Variants in KCNIP1 observed in about 807,000 individuals in gnomAD.
KCNIP1 encodes the protein potassium voltage-gated channel interacting protein 1.
Under a neutral mutation model 33.0 loss-of-function variants are expected in KCNIP1, and 18 were observed. The ratio of observed to expected loss-of-function variants is 0.55; its 90% confidence interval spans 0.38 to 0.81. The LOEUF is 0.81. Among genes scored for constraint, KCNIP1 ranks in the 30% least tolerant of loss-of-function variants. The pLI is 0.00. For missense variants in KCNIP1, 238 were observed against 271.6 expected (o/e 0.88, Z 0.87); for synonymous variants, 93 against 98.3 (o/e 0.95, Z 0.32).
At chr5:170,702,565 A>G (rs1763132280) in intron 1 of KCNIP1, among the ~76,000 whole-genome samples, 1 of 152,228 alleles carries the variant, frequency 6.6e-6, no homozygotes, top group Non-Finnish European at 1.5e-5. Context: ...CTGCCCCCTC[A>G]GTACCAATTG....
intron 1 of KCNIP1, among the ~76,000 whole-genome samples, chr5:170,708,753 G>A (rs188483178): frequency 1.3e-5 from 2 of 152,244 alleles, no homozygotes; most frequent in East Asian, 3.9e-4. Flanking sequence ...AAAAAAACTA[G>A]CCAGGCATGG....
Position 170,504,423 on chromosome 5 carries a change from CCTCCACG to C in KCNIP1, c.-147_-141del. On this transcript the variant is annotated 5_prime_UTR_variant, in exon 1 of 8. The change abolishes the stop of an existing upstream ORF in the 5' untranslated region. Transcript: ENST00000328939. This position sits in a 1 kb window ranked among gnomAD's most constrained non-coding sequence, Gnocchi z 6.0. ...GGAAGCCAGAAGCCTCCTAGCCTCGCCTCCACGCTTGCTGAATACCAAGCTGCAGGCG... is the reference window on the plus strand; with the variant it reads ...GGAAGCCAGAAGCCTCCTAGCCTCGCCTTGCTGAATACCAAGCTGCAGGCG... 1 of 1,481,536 alleles carries C rather than the reference CCTCCACG, an allele frequency of 6.7e-7. No individual in the cohort carries two copies. Among genetic ancestry groups the C allele is most frequent in the Non-Finnish European group, 8.9e-7 (1 of 1,123,118 alleles). 91.8% of individuals were successfully genotyped at this position (1,481,536 alleles called of 1,614,324 possible). A position where few individuals can be genotyped will look rare whatever the true frequency, so the allele number is the denominator to read the frequency against.
chr5:170,487,732 G>A (rs1018545368), intron 1 of KCNIP1, among the ~76,000 whole-genome samples: 1 of 151,910 alleles, frequency 6.6e-6, no homozygotes, highest in African/African-American at 2.4e-5. Flanking sequence ...TACCCAGGCT[G>A]GTCTCGAACT....
At chr5:170,705,962 T>C (rs1763244854) in intron 1 of KCNIP1, among the ~76,000 whole-genome samples, 1 of 152,202 alleles carries the variant, frequency 6.6e-6, no homozygotes, top group African/African-American at 2.4e-5. Context: ...GATTTACAGC[T>C]GCAAGGTGGG....
intron 1 of KCNIP1, among the ~76,000 whole-genome samples, chr5:170,473,616 G>A (rs1338320400): frequency 1.3e-5 from 2 of 152,262 alleles, no homozygotes; most frequent in East Asian, 1.9e-4. Flanking sequence ...AGGGCCCCTG[G>A]CAGCTCAGCA....
At chr5:170,537,124 G>C (rs1371559769) in intron 1 of KCNIP1, among the ~76,000 whole-genome samples, 1 of 152,168 alleles carries the variant, frequency 6.6e-6, no homozygotes, top group Admixed American at 6.5e-5. Flanking sequence ...GCTCAGAGAG[G>C]TAGCAGCTCC....
At chr5:170,638,536 G>C (rs1760391164) in intron 1 of KCNIP1, among the ~76,000 whole-genome samples, 1 of 152,204 alleles carries the variant, frequency 6.6e-6, no homozygotes, top group Non-Finnish European at 1.5e-5. Context: ...TTACCATTCT[G>C]AGTGGCAGTC....
chr5:170,357,725 A>G (rs6876821), intron 1 of KCNIP1, among the ~76,000 whole-genome samples: 60,304 of 152,002 alleles, frequency 0.4, 12,828 homozygotes, highest in African/African-American at 0.55. Context: ...ACAGGGTCTC[A>G]CTATGTTGCC....
chr5:170,722,702 C>T lies in KCNIP1; in HGVS notation c.328-11C>T. On this transcript the variant is annotated splice_polypyrimidine_tract_variant and intron_variant, in intron 4 of 7. Coordinates refer to ENST00000328939, the MANE Select transcript of KCNIP1 (RefSeq NM_014592.4). ...GATGGTTAATGTCACTCTGCCTTTT[C>T]CCCTTCTCAGGACTTTGTAACCGCT... 2 of 1,582,700 alleles carry T rather than the reference C, an allele frequency of 1.3e-6. No homozygotes were observed. Among genetic ancestry groups the T allele is most frequent in the Non-Finnish European group, 1.7e-6 (2 of 1,151,502 alleles).
chr5:170,470,787 T>C (rs919223744), intron 1 of KCNIP1, among the ~76,000 whole-genome samples: 13 of 152,146 alleles, frequency 8.5e-5, no homozygotes, highest in African/African-American at 2.4e-4. Context: ...TGTCTAAAAT[T>C]TTGGTGTAGG....
At chr5:170,570,472 A>G (rs1033680955) in intron 1 of KCNIP1, among the ~76,000 whole-genome samples, 1 of 151,994 alleles carries the variant, frequency 6.6e-6, no homozygotes, top group African/African-American at 2.4e-5. Flanking sequence ...AGTGCCCCCA[A>G]TAGGCACTTG....
intron 1 of KCNIP1, among the ~76,000 whole-genome samples, chr5:170,565,393 C>T (rs564474880): frequency 9.6e-4 from 146 of 152,306 alleles, no homozygotes; most frequent in African/African-American, 3.5e-3. Flanking sequence ...TATATAAGCA[C>T]TGGCCAAGGT....
chr5:170,497,935 C>A (rs1435611320), intron 1 of KCNIP1, among the ~76,000 whole-genome samples: 2 of 152,238 alleles, frequency 1.3e-5, no homozygotes, highest in Non-Finnish European at 2.9e-5. Context: ...GCAGCGCAGC[C>A]ATCAGGACAT....
chr5:170,571,414 G>A (rs530379664), intron 1 of KCNIP1, among the ~76,000 whole-genome samples: 1 of 152,160 alleles, frequency 6.6e-6, no homozygotes, highest in Non-Finnish European at 1.5e-5. Flanking sequence ...CTGCCTTCTT[G>A]CCTGTGCGCA....
At chr5:170,628,388 G>A (rs1203451880) in intron 1 of KCNIP1, among the ~76,000 whole-genome samples, 8 of 151,080 alleles carry the variant, frequency 5.3e-5, no homozygotes, top group Admixed American at 2.0e-4. Context: ...TATGACAACT[G>A]GGGACACTGA....
chr5:170,389,249 C>G (rs547617444), intron 1 of KCNIP1: 1 of 152,250 alleles, frequency 6.6e-6, no homozygotes, highest in East Asian at 1.9e-4. Flanking sequence ...CTTTCAGGCC[C>G]GGTACTCACA....
intron 1 of KCNIP1, among the ~76,000 whole-genome samples, chr5:170,443,598 T>A (rs966319136): frequency 6.6e-6 from 1 of 152,232 alleles, no homozygotes; most frequent in African/African-American, 2.4e-5. Context: ...CATAACTACA[T>A]CAGAAAACTT....
intron 1 of KCNIP1, chr5:170,422,809 G>C (rs1406601292): frequency 6.6e-6 from 1 of 152,212 alleles, no homozygotes; most frequent in Non-Finnish European, 1.5e-5. Flanking sequence ...AGAGTATGCA[G>C]CATTTCCCAG....
intron 2 of KCNIP1, among the ~76,000 whole-genome samples, chr5:170,719,970 AC>A (rs1763762842): frequency 6.6e-6 from 1 of 152,158 alleles, no homozygotes; most frequent in South Asian, 2.1e-4. Context: ...TTCATAAGAT[AC>A]CCTTGGGGAA....
Sources: gnomAD v4.1 joint callset for allele counts (sites outside exome capture counted in the v4.1 genomes callset) on GRCh38, gnomAD v4.1.1 for gene constraint, Gnocchi (gnomAD v3.1) non-coding constraint, MANE v1.5 for transcripts, NCBI Gene and HGNC (gene_info 2026-07-23, HGNC 2026-07-21) for gene names.